Variants in ARHGEF28 observed in about 807,000 individuals in gnomAD.
ARHGEF28 encodes Rho guanine nucleotide exchange factor 28, also known as 190 kDa guanine nucleotide exchange factor.
Under a neutral mutation model 206.6 loss-of-function variants are expected in ARHGEF28, and 152 were observed. That is an observed-to-expected ratio of 0.74 (90% CI 0.64 to 0.84). ARHGEF28 has a LOEUF of 0.84. ARHGEF28 is among the 40% of genes least tolerant of loss of function. The pLI, the probability that ARHGEF28 is intolerant of heterozygous loss-of-function variation, is 0.00. For missense variants in ARHGEF28, 2,028 were observed against 2,073.2 expected, an observed-to-expected ratio of 0.98 and a Z score of 0.42; for synonymous variants, 763 against 776.4, an observed-to-expected ratio of 0.98 and a Z score of 0.29.
intron 16 of ARHGEF28, chr5:73,863,137 C>A (rs1759498510): frequency 6.6e-6 from 1 of 152,052 alleles, no homozygotes. Context: ...TGTTGATAAC[C>A]CTTGTCTTCT....
intron 33 of ARHGEF28, 76 bp downstream of exon 33, chr5:73,904,481 T>C: frequency 7.0e-7 from 1 of 1,430,426 alleles, no homozygotes; most frequent in Non-Finnish European, 9.6e-7. Context: ...TCCCAGACTT[T>C]AAAAATGAGA....
At chr5:73,795,930 G>A (rs1754777735) in intron 9 of ARHGEF28, among the ~76,000 whole-genome samples, 1 of 152,204 alleles carries the variant, frequency 6.6e-6, no homozygotes, top group South Asian at 2.1e-4. Context: ...TCCTTTCAGA[G>A]GAACCAGGTG....
intron 2 of ARHGEF28, among the ~76,000 whole-genome samples, chr5:73,697,435 T>A (rs1748287837): frequency 1.3e-5 from 2 of 152,194 alleles, no homozygotes; most frequent in African/African-American, 2.4e-5. Flanking sequence ...CTTATAGAAC[T>A]AGAAGCTGGG....
intron 20 of ARHGEF28, among the ~76,000 whole-genome samples, chr5:73,869,293 A>G (rs915048674): frequency 6.6e-6 from 1 of 151,864 alleles, no homozygotes; most frequent in Admixed American, 6.6e-5. Flanking sequence ...ATCTGCACTC[A>G]TTTGTGACTC....
chr5:73,790,392 C>T (rs564878071), intron 7 of ARHGEF28, among the ~76,000 whole-genome samples: 1 of 152,102 alleles, frequency 6.6e-6, no homozygotes, highest in South Asian at 2.1e-4. Flanking sequence ...AAGAAGATGT[C>T]TTAAATTCTT....
At position 73,684,929 on chromosome 5, in the gene ARHGEF28, T is replaced by A. The variant is rs370524120; in HGVS notation, c.33+45T>A. 2.0e-3 allele frequency: 3,177 copies of A among 1,602,788 alleles called. 17 individuals carry two copies. Among genetic ancestry groups the A allele is most frequent in the South Asian group, 9.2e-3 (815 of 89,032 alleles). On this transcript the variant is annotated intron_variant, in intron 2 of 35. Transcript: ENST00000513042. The stretch of plus-strand genomic sequence containing the variant: ...GCTTCAGGTCCAAGGGGCCCTTTCT[T>A]AACTCCAAACCATGTGACTGAAGTG...
At chr5:73,882,362 T>C in intron 22 of ARHGEF28, 110 bp from the exon 23 acceptor site, 1 of 770,698 alleles carries the variant, frequency 1.3e-6, no homozygotes, top group Non-Finnish European at 1.8e-6. Context: ...TTCCATGATA[T>C]TTATTTTTTA....
intron 2 of ARHGEF28, among the ~76,000 whole-genome samples, chr5:73,695,382 A>G (rs1501675): frequency 0.17 from 26,116 of 151,560 alleles, 2,778 homozygotes; most frequent in Non-Finnish European, 0.24. Flanking sequence ...GAGCTCATCT[A>G]TTCTTGTTAT....
Position 73,684,865 on chromosome 5 carries a change from G to C in ARHGEF28, c.14G>C (p.Cys5Ser). The change falls in exon 2 of 36, where the codon TGC becomes TCC. Residue 5 changes from cysteine (C) to serine (S), a missense_variant. Cys to Ser is a moderately radical substitution (Grantham distance 112). Around this residue, in one of 3 missense-constraint regions of ARHGEF28, gnomAD observed 1,002 missense variants for 1,015.3 expected, o/e 0.99. Transcript: ENST00000513042. ...GATGCGAAAGCCATGGAGTTGAGCT[G>C]CAGCGAAGCACCTCTTTACGTAAGT... MELS[C>S]SEAPLYGQMM... The C allele has an allele frequency of 6.2e-7, 1 of 1,610,526 alleles. No individual in the cohort carries two copies. Among genetic ancestry groups the C allele is most frequent in the Non-Finnish European group, 8.5e-7 (1 of 1,178,238 alleles).
intron 2 of ARHGEF28, among the ~76,000 whole-genome samples, chr5:73,740,283 TAATC>T (rs1398881487): frequency 6.6e-6 from 1 of 152,136 alleles, no homozygotes; most frequent in African/African-American, 2.4e-5. Context: ...TTGAAGCAAT[TAATC>T]AATCTAGAAT....
intron 35 of ARHGEF28, chr5:73,923,124 TC>T: frequency 6.5e-7 from 1 of 1,535,792 alleles, no homozygotes; most frequent in Middle Eastern, 1.7e-4. Flanking sequence ...CGTTGACATC[TC>T]CCCCGGGACT....
At chr5:73,707,002 CAGAGCTGAGAGTGCTAGAATTGGG>C (rs1748976466) in intron 2 of ARHGEF28, among the ~76,000 whole-genome samples, 1 of 152,192 alleles carries the variant, frequency 6.6e-6, no homozygotes, top group African/African-American at 2.4e-5. Context: ...TTGGGCTCTG[CAGAGCTGAGAGTGCTAGAATTGGG>C]ATCCTGGCCT....
chr5:73,795,661 C>A, intron 9 of ARHGEF28: 1 of 344,134 alleles, frequency 2.9e-6, no homozygotes, highest in Admixed American at 4.6e-5. Flanking sequence ...CTGGACTTGT[C>A]ATATGTTCCC....
chr5:73,797,168 A>G (rs538699472), intron 9 of ARHGEF28, among the ~76,000 whole-genome samples: 1 of 152,332 alleles, frequency 6.6e-6, no homozygotes, highest in African/African-American at 2.4e-5. Flanking sequence ...ATTTATGAAA[A>G]GGACCATGAT....
intron 9 of ARHGEF28, among the ~76,000 whole-genome samples, chr5:73,820,871 C>T (rs1580664952): frequency 6.6e-6 from 1 of 152,106 alleles, no homozygotes; most frequent in East Asian, 1.9e-4. Flanking sequence ...CCTTTTTCTT[C>T]CTGCAAGTGT....
At position 73,894,503 on chromosome 5, in the gene ARHGEF28, C is replaced by T. The variant is rs377500759; in HGVS notation, c.3769C>T (p.His1257Tyr). Reference protein sequence around the residue: ...SGFEDVHLEPHLLIKPDPGEP... With the variant: ...SGFEDVHLEPYLLIKPDPGEP... ...ATTTGAGGACGTCCATCTAGAGCCC[C>T]ACCTCCTTATTAAACCTGACCCAGG... is the stretch of plus-strand genomic sequence containing the variant. Residue 1257 changes from histidine (H) to tyrosine (Y), a missense_variant, in exon 29 of 36, where the codon CAC becomes TAC. Transcript: ENST00000513042. The T allele has an allele frequency of 3.7e-6, 6 of 1,613,842 alleles. No homozygotes were observed. Among genetic ancestry groups the T allele is most frequent in the Non-Finnish European group, 5.1e-6 (6 of 1,179,900 alleles).
chr5:73,855,451 G>C (rs1758961034), intron 14 of ARHGEF28, among the ~76,000 whole-genome samples: 1 of 152,156 alleles, frequency 6.6e-6, no homozygotes, highest in Non-Finnish European at 1.5e-5. Flanking sequence ...TGAAGTATCG[G>C]CTGGGCGTGG....
chr5:73,719,937 T>C (rs957350031), intron 2 of ARHGEF28, among the ~76,000 whole-genome samples: 2 of 152,224 alleles, frequency 1.3e-5, no homozygotes, highest in African/African-American at 4.8e-5. Flanking sequence ...TATGACTAGT[T>C]GCCAGGTGTC....
intron 1 of ARHGEF28, among the ~76,000 whole-genome samples, chr5:73,630,193 T>C (rs2112113033): frequency 6.6e-6 from 1 of 152,388 alleles, no homozygotes; most frequent in Middle Eastern, 3.4e-3. Context: ...TAATGACATT[T>C]ATGGTTTAGC....
Sources: gnomAD v4.1 joint callset for allele counts (sites outside exome capture counted in the v4.1 genomes callset) on GRCh38, gnomAD v4.1.1 for gene constraint, gnomAD v4.1.1 regional missense constraint, MANE v1.5 for transcripts, NCBI Gene and HGNC (gene_info 2026-07-23, HGNC 2026-07-21) for gene names.